The following MACROD2 variants were observed in gnomAD, a reference collection of about 807,000 sequenced individuals.
MACROD2 encodes ADP-ribose glycohydrolase MACROD2.
Under a neutral mutation model 70.4 loss-of-function variants are expected in MACROD2, and 36 were observed. The ratio of observed to expected loss-of-function variants is 0.51; its 90% CI spans 0.39 to 0.68. The LOEUF (loss-of-function observed/expected upper bound fraction) is 0.68, where lower values mean the gene tolerates loss of function less well. MACROD2 is among the 30% of genes least tolerant of loss of function. The pLI, the probability that MACROD2 is intolerant of heterozygous loss-of-function variation, is 0.00. For missense variants in MACROD2, 496 were observed against 538.4 expected (o/e 0.92, Z 0.78); for synonymous variants, 172 against 178.8 (o/e 0.96, Z 0.30).
intron 5 of MACROD2, among the ~76,000 whole-genome samples, chr20:15,075,645 G>T (rs892204050): frequency 2.0e-5 from 3 of 152,106 alleles, no homozygotes; most frequent in African/African-American, 7.2e-5. Context: ...GCAAAAAAAT[G>T]ACTGCCTTCA....
intron 8 of MACROD2, among the ~76,000 whole-genome samples, chr20:15,801,190 A>G (rs1203904917): frequency 1.6e-5 from 2 of 122,786 alleles, no homozygotes; most frequent in Non-Finnish European, 3.1e-5. Flanking sequence ...ATCAATTAAA[A>G]AAAAAAAAAA....
intron 10 of MACROD2, among the ~76,000 whole-genome samples, chr20:15,929,135 C>T (rs2065535175): frequency 6.6e-6 from 1 of 152,154 alleles, no homozygotes; most frequent in Non-Finnish European, 1.5e-5. Flanking sequence ...AGGCTGGGCT[C>T]AGTGGGGTGG....
chr20:15,328,341 T>C (rs568086433), intron 6 of MACROD2, among the ~76,000 whole-genome samples: 1 of 152,254 alleles, frequency 6.6e-6, no homozygotes, highest in South Asian at 2.1e-4. Flanking sequence ...CATCTGATCA[T>C]GTAAGTCCAT....
chr20:14,593,842 T>C (rs1191300439), intron 4 of MACROD2, among the ~76,000 whole-genome samples: 2 of 152,196 alleles, frequency 1.3e-5, no homozygotes, highest in African/African-American at 4.8e-5. Context: ...TTGAAAATTG[T>C]CTTTTACTTA....
At chr20:15,413,016 GAAGAA>G (rs1459933353) in intron 6 of MACROD2, among the ~76,000 whole-genome samples, 1 of 152,140 alleles carries the variant, frequency 6.6e-6, no homozygotes, top group Non-Finnish European at 1.5e-5. Context: ...TCATTCAAGA[GAAGAA>G]AAGTAGAATA....
At chr20:15,398,143 AAAC>A (rs2045884113) in intron 6 of MACROD2, among the ~76,000 whole-genome samples, 1 of 152,202 alleles carries the variant, frequency 6.6e-6, no homozygotes, top group Non-Finnish European at 1.5e-5. Flanking sequence ...GAAGAACAAT[AAAC>A]AAATTGCTAA....
At chr20:15,161,488 T>G (rs2076348134) in intron 5 of MACROD2, among the ~76,000 whole-genome samples, 1 of 151,886 alleles carries the variant, frequency 6.6e-6, no homozygotes, top group Non-Finnish European at 1.5e-5. Flanking sequence ...CTTCTGATCT[T>G]AGATCAAGAG....
At position 15,782,064 on chromosome 20, in the gene MACROD2, C is replaced by T. The variant is rs73614458; in HGVS notation, c.646-80681C>T. ...TATCGAGTCGATGAATTGGGGAGGG[C>T]TTAAGTCACAAGTCTAGAAATACAA... On this transcript the variant is annotated intron_variant, in intron 8 of 17. Transcript: ENST00000684519. Among the ~76,000 whole-genome samples, 896 of 152,110 alleles carry T rather than the reference C, an allele frequency of 5.9e-3. 9 individuals carry two copies. Among genetic ancestry groups the T allele is most frequent in the East Asian group, 0.037 (192 of 5,186 alleles).
chr20:15,120,411 A>G (rs752323986), intron 5 of MACROD2, among the ~76,000 whole-genome samples: 4 of 152,160 alleles, frequency 2.6e-5, no homozygotes, highest in Admixed American at 6.5e-5. Flanking sequence ...AACAGACTGA[A>G]CAAATGAACA....
At chr20:14,121,668 G>A (rs1218919116) in intron 3 of MACROD2, among the ~76,000 whole-genome samples, 3 of 152,068 alleles carry the variant, frequency 2.0e-5, no homozygotes, top group East Asian at 1.9e-4. Context: ...GAGCAGTTTT[G>A]TATTATTCTT....
chr20:15,816,409 A>T lies in MACROD2; in HGVS notation c.646-46336A>T, dbSNP rs189855644. Among the ~76,000 whole-genome samples, 4 of 152,134 alleles carry T rather than the reference A, an allele frequency of 2.6e-5. No individual in the cohort carries two copies. The South Asian group carries it at 6.2e-4, about 24-fold the overall frequency. ...CAAACCAGCCTGAATTCTACTGGCA[A>T]CCATGAAACACTTACCTATCCATAC... On this transcript the variant is annotated intron_variant, in intron 8 of 17. Transcript: ENST00000684519.
At chr20:14,323,398 C>T (rs893448499) in intron 3 of MACROD2, 4 of 152,112 alleles carry the variant, frequency 2.6e-5, no homozygotes, top group African/African-American at 9.7e-5. Context: ...CTTCCATGCC[C>T]TCTCCAGGCA....
intron 3 of MACROD2, among the ~76,000 whole-genome samples, chr20:14,136,211 A>G (rs1334401468): frequency 1.3e-5 from 2 of 152,172 alleles, no homozygotes; most frequent in African/African-American, 4.8e-5. Context: ...TTCCATTTCC[A>G]AGTGTTATTT....
intron 2 of MACROD2, among the ~76,000 whole-genome samples, chr20:14,060,619 G>T (rs999214119): frequency 1.7e-4 from 26 of 152,030 alleles, no homozygotes; most frequent in African/African-American, 6.3e-4. Context: ...GGGGAGATTC[G>T]TAATCTTCTT....
At chr20:14,053,986 T>A (rs1890221) in intron 2 of MACROD2, among the ~76,000 whole-genome samples, 56,578 of 151,870 alleles carry the variant, frequency 0.37, 11,109 homozygotes, top group South Asian at 0.48. Flanking sequence ...ACTTGGAAAT[T>A]AAGAGTGTAA....
At chr20:15,761,914 A>G (rs533691628) in intron 8 of MACROD2, among the ~76,000 whole-genome samples, 40 of 152,308 alleles carry the variant, frequency 2.6e-4, no homozygotes, top group African/African-American at 9.6e-4. Context: ...ATTTACACAC[A>G]GTGTTTCACC....
intron 2 of MACROD2, among the ~76,000 whole-genome samples, chr20:14,034,217 G>A (rs183147771): frequency 5.9e-5 from 9 of 152,112 alleles, no homozygotes; most frequent in Admixed American, 5.2e-4. Context: ...CTTGTGATCC[G>A]CCCGCCTCAG....
At chr20:14,846,412 A>G (rs1470450897) in intron 5 of MACROD2, among the ~76,000 whole-genome samples, 1 of 151,332 alleles carries the variant, frequency 6.6e-6, no homozygotes, top group African/African-American at 2.4e-5. Flanking sequence ...TTTAGTAAAG[A>G]TGGGGTTTCA....
At chr20:14,246,895 A>G (rs1025242237) in intron 3 of MACROD2, among the ~76,000 whole-genome samples, 1 of 152,180 alleles carries the variant, frequency 6.6e-6, no homozygotes, top group Non-Finnish European at 1.5e-5. Context: ...AATTATCAAA[A>G]GTTAGGGGCC....
Sources: gnomAD v4.1 joint callset for allele counts (sites outside exome capture counted in the v4.1 genomes callset) on GRCh38, gnomAD v4.1.1 for gene constraint, MANE v1.5 for transcripts, NCBI Gene and HGNC (gene_info 2026-07-23, HGNC 2026-07-21) for gene names.